The following SIPA1 variants were observed in gnomAD, a reference collection of about 807,000 sequenced individuals.
SIPA1 encodes the protein signal-induced proliferation-associated protein 1.
In SIPA1, 51 loss-of-function variants were observed where a neutral mutation model predicts 88.1. The observed-to-expected ratio is 0.58, with a 90% confidence interval of 0.46 to 0.73. SIPA1 has a LOEUF of 0.73. Ranked by LOEUF, SIPA1 falls within the 30% of genes least tolerant of loss-of-function variation. SIPA1 has a pLI of 0.00. For missense variants in SIPA1, 1,348 were observed against 1,467.6 expected (o/e 0.92, Z 1.33); for synonymous variants, 681 against 664.8 (o/e 1.02, Z -0.37).
Position 65,646,293 on chromosome 11 carries a change from T to C in SIPA1, c.1336T>C (p.Cys446Arg), listed in dbSNP as rs1439325892. The change falls in exon 7 of 16, where the codon TGC becomes CGC. Residue 446 changes from cysteine to arginine, a missense_variant. Cys to Arg is a radical substitution (Grantham distance 180). Around this residue, in one of 4 missense-constraint regions of SIPA1, gnomAD observed 641 missense variants for 797.7 expected, o/e 0.80. Coordinates refer to ENST00000534313, the MANE Select transcript of SIPA1 (RefSeq NM_006747.4). This position sits in a 1 kb window ranked among gnomAD's most constrained non-coding sequence, Gnocchi z 7.5. ...VFQEPGSKPF[C>R]PTTIRSHFQH... ...CCAGGAGCCTGGCAGCAAGCCCTTCTGCCCCACCACCATCCGCTCGCACTT... is the reference window on the plus strand; with the variant it reads ...CCAGGAGCCTGGCAGCAAGCCCTTCCGCCCCACCACCATCCGCTCGCACTT... The C allele has an allele frequency of 6.2e-7, 1 of 1,614,120 alleles. No individual in the cohort carries two copies.
Position 65,641,080 on chromosome 11 carries a change from C to A in SIPA1, c.159C>A (p.Ser53Arg). 1.9e-6 allele frequency: 3 copies of A among 1,599,712 alleles called. No individual in the cohort carries two copies. Among genetic ancestry groups the A allele is most frequent in the Non-Finnish European group, 2.5e-6 (3 of 1,177,652 alleles). Residue 53 changes from serine (S) to arginine (R), a missense_variant, in exon 2 of 16, where the codon AGC becomes AGA. Physicochemically the swap from Ser to Arg is moderately radical, Grantham distance 110. Transcript: ENST00000534313. ...CAGTCCGGGGCCCACTCCTGCGCAG[C>A]GGCAGCGATGCAGGCGAGGCCAGGC... ...PRPVRGPLLR[S>R]GSDAGEARPP...
In SIPA1 at chr11:65,641,104, G is replaced by A. The variant is rs906619088; in HGVS notation, c.183G>A (p.Arg61=). ...GCGGCAGCGATGCAGGCGAGGCCAG[G>A]CCCCCCACGCCAGCCAGCCCCCGTG... ...LRSGSDAGEA[R]PPTPASPRAR... is the part of the protein sequence containing the mutation. The change falls in exon 2 of 16, where the codon AGG becomes AGA. Residue 61 remains arginine, a synonymous_variant. Coordinates refer to ENST00000534313, the MANE Select transcript of SIPA1 (RefSeq NM_006747.4). 6.2e-7 allele frequency: 1 copy of A among 1,600,358 alleles called. No homozygotes were observed.
rs1324070162 is a variant in SIPA1 at position 65,649,675 on chromosome 11, G to A, written c.2637+3G>A. The stretch of plus-strand genomic sequence containing the variant: ...ACAGTGAGACACCCCTGACCCAGGT[G>A]AGCAGAAACCAGGCTCTGGAGCCCA... On this transcript the variant is annotated splice_donor_region_variant and intron_variant, in intron 11 of 15. Transcript: ENST00000534313. The A allele has an allele frequency of 1.2e-6, 2 of 1,614,080 alleles. No individual in the cohort carries two copies. Among genetic ancestry groups the A allele is most frequent in the Non-Finnish European group, 1.7e-6 (2 of 1,180,036 alleles).
chr11:65,647,157 T>A (rs1856140514), intron 8 of SIPA1, 92 bp downstream of exon 8: 2 of 1,413,454 alleles, frequency 1.4e-6, no homozygotes, highest in Non-Finnish European at 1.8e-6. Flanking sequence ...CCCCTACTCC[T>A]GCGGAAGGGA....
chr11:65,647,255 G>C (rs919124796), intron 8 of SIPA1, 129 bp from the exon 9 acceptor site: 70 of 1,373,224 alleles, frequency 5.1e-5, no homozygotes, highest in Middle Eastern at 2.7e-4. Flanking sequence ...TCATCCCTCG[G>C]GCGGTGGCAC....
chr11:65,642,716 C>T lies in SIPA1; in HGVS notation c.984+77C>T. ...CCCAGCCTGCCCAGCTCCCAAACCC[C>T]TAGCCTTGACCCTGATCCTGGGCTG... On this transcript the variant is annotated intron_variant, in intron 4 of 15. Coordinates refer to ENST00000534313, the MANE Select transcript of SIPA1 (RefSeq NM_006747.4). This position sits in a 1 kb window ranked among gnomAD's most constrained non-coding sequence, Gnocchi z 6.5. The T allele has an allele frequency of 7.4e-7, 1 of 1,347,256 alleles. No individual in the cohort carries two copies. Among genetic ancestry groups the T allele is most frequent in the Non-Finnish European group, 9.8e-7 (1 of 1,018,468 alleles). 83.5% of individuals were successfully genotyped at this position (1,347,256 alleles called of 1,614,324 possible). A position where few individuals can be genotyped will look rare whatever the true frequency, so the allele number is the denominator to read the frequency against.
At chr11:65,650,356 G>GC in intron 14 of SIPA1, 45 bp from the exon 15 acceptor site, 1 of 1,597,298 alleles carries the variant, frequency 6.3e-7, no homozygotes, top group Non-Finnish European at 8.6e-7. Flanking sequence ...CTGGTGCACT[G>GC]CCCCCTGCCT....
At chr11:65,645,556 C>G (rs1856095023) in intron 5 of SIPA1, among the ~76,000 whole-genome samples, 1 of 152,134 alleles carries the variant, frequency 6.6e-6, no homozygotes. Context: ...CCTAGGACAC[C>G]TGACCCTGCC....
In SIPA1 at chr11:65,645,119, A is replaced by T. The variant is rs1856083126; in HGVS notation, c.1149A>T (p.Leu383=). 1.9e-6 allele frequency: 3 copies of T among 1,613,504 alleles called. No homozygotes were observed. Among genetic ancestry groups the T allele is most frequent in the Non-Finnish European group, 2.5e-6 (3 of 1,179,566 alleles). ...LKGFESYRAQ[L]DTKTDSTGTH... Reference sequence around the variant, plus strand: ...GCTTTGAGAGTTACCGGGCCCAGCTAGACACCAAAAGTGAGGCCCAGGGGC... The same window carrying T: ...GCTTTGAGAGTTACCGGGCCCAGCTTGACACCAAAAGTGAGGCCCAGGGGC... Residue 383 remains leucine (L), a synonymous_variant, in exon 5 of 16, where the codon CTA becomes CTT. Transcript: ENST00000534313.
At position 65,649,623 on chromosome 11, in the gene SIPA1, C is replaced by G; in HGVS notation, c.2588C>G (p.Thr863Arg). ...ACCCCGGACCTCCTCCTGGCCACCACAGCCAAGCCATCAGTACCCAGTGCT... is the reference window on the plus strand; with the variant it reads ...ACCCCGGACCTCCTCCTGGCCACCAGAGCCAAGCCATCAGTACCCAGTGCT... ...NTTPDLLLAT[T>R]AKPSVPSADS... The change falls in exon 11 of 16, where the codon ACA (threonine) becomes AGA (arginine). Residue 863 changes from threonine to arginine, a missense_variant. This residue lies in a region of SIPA1 where 615 missense variants were observed against 559.8 expected (regional missense o/e 1.10). Transcript: ENST00000534313. The G allele has an allele frequency of 1.9e-6, 3 of 1,614,124 alleles. No individual in the cohort carries two copies. The highest frequency in any genetic ancestry group is 2.5e-6 in the Non-Finnish European group (3 of 1,180,030).
chr11:65,646,338 G>C lies in SIPA1; in HGVS notation c.1381G>C (p.Val461Leu). Residue 461 changes from valine (V) to leucine (L), a missense_variant, in exon 7 of 16, where the codon GTG (valine) becomes CTG (leucine). Val to Leu is a conservative substitution (Grantham distance 32). Around this residue, in one of 4 missense-constraint regions of SIPA1, gnomAD observed 641 missense variants for 797.7 expected, o/e 0.80. Coordinates refer to ENST00000534313, the MANE Select transcript of SIPA1 (RefSeq NM_006747.4). The surrounding 1 kb of genome is among the most constrained non-coding windows in gnomAD (Gnocchi z 7.5). ...RSHFQHVFLV[V>L]RAHTPCTPHT... ...GCACTTCCAGCACGTGTTCCTAGTG[G>C]TGCGGGCACACACACCCTGCACGCC... 1 of 1,613,566 alleles carries C rather than the reference G, an allele frequency of 6.2e-7. No individual in the cohort carries two copies.
At position 65,640,895 on chromosome 11, in the gene SIPA1, GC is replaced by G; in HGVS notation, c.-22del. The G allele has an allele frequency of 6.8e-7, 1 of 1,461,722 alleles. No homozygotes were observed. The highest frequency in any genetic ancestry group is 2.4e-5 in the East Asian group (1 of 41,288). 90.5% of individuals were successfully genotyped at this position (1,461,722 alleles called of 1,614,324 possible). On this transcript the variant is annotated 5_prime_UTR_variant, in exon 2 of 16. Coordinates refer to ENST00000534313, the MANE Select transcript of SIPA1 (RefSeq NM_006747.4). ...CACCCGTGCCCGCCAATGCGGCCCA[GC>G]CCCCGGAGAGTCAGGCCCACAGAGC...
chr11:65,645,044 G>A lies in SIPA1; in HGVS notation c.1074G>A (p.Pro358=), dbSNP rs369254582. The A allele has an allele frequency of 4.5e-5, 72 of 1,614,058 alleles. No homozygotes were observed. Among genetic ancestry groups the A allele is most frequent in the Middle Eastern group, 1.7e-4 (1 of 6,060 alleles). The change falls in exon 5 of 16, where the codon CCG becomes CCA. Residue 358 remains proline, a synonymous_variant. Coordinates refer to ENST00000534313, the MANE Select transcript of SIPA1 (RefSeq NM_006747.4). ...TGTACAACAACCAGGAGGCGGGACC[G>A]GCCTTCATGCAGTTTCTCACCTTGC... ...EEMYNNQEAG[P]AFMQFLTLLG... is the part of the protein sequence containing the mutation.
rs1389724921 is a variant in SIPA1, at chr11:65,641,107, C to T, written c.186C>T (p.Pro62=). Residue 62 remains proline (P), a synonymous_variant, in exon 2 of 16, where the codon CCC becomes CCT. Coordinates refer to ENST00000534313, the MANE Select transcript of SIPA1 (RefSeq NM_006747.4). The part of the protein sequence containing the change: ...RSGSDAGEAR[P]PTPASPRARA... ...GCAGCGATGCAGGCGAGGCCAGGCC[C>T]CCCACGCCAGCCAGCCCCCGTGCCC... 6.2e-7 allele frequency: 1 copy of T among 1,601,084 alleles called. No individual in the cohort carries two copies. The highest frequency in any genetic ancestry group is 8.5e-7 in the Non-Finnish European group (1 of 1,178,658).
At chr11:65,649,722 G>C in intron 11 of SIPA1, 35 bp from the exon 12 acceptor site, 2 of 1,613,614 alleles carry the variant, frequency 1.2e-6, no homozygotes, top group Non-Finnish European at 1.7e-6. Context: ...GTGACAGTGG[G>C]CATCACTGAA....
At chr11:65,645,239 T>C in intron 5 of SIPA1, 110 bp downstream of exon 5, 2 of 1,116,376 alleles carry the variant, frequency 1.8e-6, no homozygotes, top group Non-Finnish European at 2.6e-6. Context: ...GACTGGAGAG[T>C]TCTTTGGGTG....
intron 4 of SIPA1, among the ~76,000 whole-genome samples, chr11:65,644,636 G>A (rs780437343): frequency 1.9e-4 from 29 of 151,842 alleles, no homozygotes; most frequent in Non-Finnish European, 4.1e-4. Context: ...GGGTGGGGGT[G>A]CCTTGGATTC....
chr11:65,642,658 A>G lies in SIPA1; in HGVS notation c.984+19A>G, dbSNP rs775894122. On this transcript the variant is annotated intron_variant, in intron 4 of 15. Coordinates refer to ENST00000534313, the MANE Select transcript of SIPA1 (RefSeq NM_006747.4). The surrounding 1 kb of genome is among the most constrained non-coding windows in gnomAD (Gnocchi z 6.5). ...GCAAGTGGTGAGTGGCGGGCCGCGGAGCCCCCAGCCATACAGCTGGCCCCA... is the reference window on the plus strand; with the variant it reads ...GCAAGTGGTGAGTGGCGGGCCGCGGGGCCCCCAGCCATACAGCTGGCCCCA... The G allele has an allele frequency of 6.6e-7, 1 of 1,508,972 alleles. No homozygotes were observed. The highest frequency in any genetic ancestry group is 2.4e-5 in the East Asian group (1 of 41,000). The allele number at this position is 1,508,972 out of a possible 1,614,324, so 93.5% of individuals were successfully genotyped here.
chr11:65,646,652 G>A lies in SIPA1; in HGVS notation c.1618G>A (p.Ala540Thr). 1 of 1,548,178 alleles carries A rather than the reference G, an allele frequency of 6.5e-7. No homozygotes were observed. Among genetic ancestry groups the A allele is most frequent in the African/African-American group, 1.4e-5 (1 of 73,366 alleles). Residue 540 changes from alanine (A) to threonine (T), a missense_variant, in exon 8 of 16, where the codon GCC (alanine) becomes ACC (threonine). Transcript: ENST00000534313. The surrounding 1 kb of genome is among the most constrained non-coding windows in gnomAD (Gnocchi z 7.5). ...RTRQQYLQDLATNEVTTTSLD... is the reference protein window; with the variant it reads ...RTRQQYLQDLTTNEVTTTSLD... ...CCGCCAGCAGTACCTGCAAGACCTG[G>A]CCACCAACGAGGTGACCACTACGTC... is the stretch of plus-strand genomic sequence containing the variant.
Sources: allele counts gnomAD v4.1 joint callset (sites outside exome capture counted in the v4.1 genomes callset), GRCh38; gene constraint gnomAD v4.1.1; regional missense constraint gnomAD v4.1.1; non-coding constraint Gnocchi (gnomAD v3.1); transcripts MANE v1.5; gene names NCBI Gene and HGNC (gene_info 2026-07-23, HGNC 2026-07-21).